Variants in PPP3CA observed in about 807,000 individuals in gnomAD.
PPP3CA encodes the protein protein phosphatase 3 catalytic subunit alpha.
Under a neutral mutation model 66.5 loss-of-function variants are expected in PPP3CA, and 14 were observed. The observed-to-expected ratio is 0.21, with a 90% CI of 0.14 to 0.33. The LOEUF is 0.33. Among genes scored for constraint, PPP3CA ranks in the 10% least tolerant of loss-of-function variants. The probability of loss-of-function intolerance (pLI) is 1.00; values close to 1 mark genes in which losing one functional copy is unlikely to be tolerated. For missense variants in PPP3CA, 317 were observed against 639.5 expected, an observed-to-expected ratio of 0.50 and a Z score of 5.44; for synonymous variants, 232 against 226.2, an observed-to-expected ratio of 1.03 and a Z score of -0.23.
chr4:101,294,705 T>A (rs1439721590), intron 1 of PPP3CA, among the ~76,000 whole-genome samples: 1 of 152,074 alleles, frequency 6.6e-6, no homozygotes, highest in Admixed American at 6.5e-5. Flanking sequence ...ACTTTGGGCT[T>A]GATAATTCTG....
intron 2 of PPP3CA, among the ~76,000 whole-genome samples, chr4:101,194,998 A>T (rs13129082): frequency 4.6e-5 from 7 of 151,996 alleles, no homozygotes; most frequent in Admixed American, 2.0e-4. Context: ...AAAGGCCCGG[A>T]GTGGTGGCTT....
chr4:101,121,368 A>G (rs1484068270), intron 2 of PPP3CA, among the ~76,000 whole-genome samples: 1 of 152,134 alleles, frequency 6.6e-6, no homozygotes, highest in East Asian at 1.9e-4. Context: ...AATTCTTCGC[A>G]TCTTCTATAT....
At chr4:101,125,113 G>T (rs191590665) in intron 2 of PPP3CA, among the ~76,000 whole-genome samples, 1 of 152,300 alleles carries the variant, frequency 6.6e-6, no homozygotes, top group Admixed American at 6.5e-5. Context: ...ATAGGCAGGG[G>T]GGGTATAAGA....
chr4:101,126,682 C>G (rs1014989305), intron 2 of PPP3CA, among the ~76,000 whole-genome samples: 2 of 152,140 alleles, frequency 1.3e-5, no homozygotes, highest in African/African-American at 4.8e-5. Context: ...TATTTATCCA[C>G]CAGTAAAGCT....
At chr4:101,091,861 TAATG>T (rs1412925002) in intron 6 of PPP3CA, among the ~76,000 whole-genome samples, 4 of 137,676 alleles carry the variant, frequency 2.9e-5, no homozygotes, top group Non-Finnish European at 4.7e-5. Context: ...ATAATAATAA[TAATG>T]AAGAAGAGGA....
chr4:101,124,777 AAGAAAG>A (rs1722187648), intron 2 of PPP3CA, among the ~76,000 whole-genome samples: 1 of 130,116 alleles, frequency 7.7e-6, no homozygotes, highest in Non-Finnish European at 1.6e-5. Flanking sequence ...GAAAGAAAGA[AAGAAAG>A]AAAGAAAGAA....
chr4:101,151,183 GA>G (rs1723124833), intron 2 of PPP3CA, among the ~76,000 whole-genome samples: 1 of 152,136 alleles, frequency 6.6e-6, no homozygotes, highest in Non-Finnish European at 1.5e-5. Context: ...GTCAAGATTT[GA>G]ATATAATGGT....
At chr4:101,290,567 T>C (rs1222842465) in intron 1 of PPP3CA, among the ~76,000 whole-genome samples, 1 of 152,222 alleles carries the variant, frequency 6.6e-6, no homozygotes, top group Non-Finnish European at 1.5e-5. Flanking sequence ...TCCCTACATA[T>C]GCTGGACAGC....
chr4:101,210,477 C>A (rs1363585060), intron 1 of PPP3CA, among the ~76,000 whole-genome samples: 2 of 152,080 alleles, frequency 1.3e-5, no homozygotes, highest in Non-Finnish European at 2.9e-5. Context: ...GTGCTTGGAC[C>A]ATTGAAGATT....
At chr4:101,216,099 A>C (rs1177529094) in intron 1 of PPP3CA, among the ~76,000 whole-genome samples, 1 of 152,136 alleles carries the variant, frequency 6.6e-6, no homozygotes, top group Non-Finnish European at 1.5e-5. Context: ...GAATCTAAAA[A>C]TTACGGTGCT....
rs944095912 is a variant in PPP3CA at position 101,140,992 on chromosome 4, T to C, written c.260-31914A>G. On this transcript the variant is annotated intron_variant, in intron 2 of 13. Coordinates refer to ENST00000394854, the MANE Select transcript of PPP3CA (RefSeq NM_000944.5). Reference sequence around the variant, plus strand: ...ATACTGAATCATTTTGATTACTTGCTCATGAGTCAAAAAAGAGGCTAAAAC... The same window carrying C: ...ATACTGAATCATTTTGATTACTTGCCCATGAGTCAAAAAAGAGGCTAAAAC... Among the ~76,000 whole-genome samples, 16 of 152,342 alleles carry C rather than the reference T, an allele frequency of 1.1e-4. No homozygotes were observed. In the South Asian group the frequency reaches 2.7e-3, roughly 26 times the overall value.
chr4:101,320,464 G>A (rs1283390423), intron 1 of PPP3CA, among the ~76,000 whole-genome samples: 1 of 129,316 alleles, frequency 7.7e-6, no homozygotes, highest in African/African-American at 3.3e-5. Flanking sequence ...ATGTATGTAT[G>A]TATGTATGTA....
At chr4:101,041,330 T>A (rs1727505399) in intron 10 of PPP3CA, among the ~76,000 whole-genome samples, 1 of 151,950 alleles carries the variant, frequency 6.6e-6, no homozygotes, top group Admixed American at 6.6e-5. Context: ...TATTTTAAAA[T>A]AATGTTTTAA....
rs550954129 is a variant in PPP3CA, at chr4:101,106,488, A to G, written c.384+2466T>C. Reference sequence around the variant, plus strand: ...AAGAAAAGAAAAGAAAAGAAAAGAAAAGAAAAGAAAAGAAAGAAAGAAAGA... The same window carrying G: ...AAGAAAAGAAAAGAAAAGAAAAGAAGAGAAAAGAAAAGAAAGAAAGAAAGA... On this transcript the variant is annotated intron_variant, in intron 3 of 13. Transcript: ENST00000394854. Among the ~76,000 whole-genome samples the G allele has an allele frequency of 6.9e-5, 5 of 72,010 alleles. No homozygotes were observed. The East Asian group carries it at 1.1e-3, about 16-fold the overall frequency. The allele number at this position is 72,010 out of a possible 152,430, so 47.2% of individuals were successfully genotyped here. A position where few individuals can be genotyped will look rare whatever the true frequency, so the allele number is the denominator to read the frequency against.
chr4:101,333,271 T>G lies in PPP3CA; in HGVS notation c.58+13468A>C, dbSNP rs1013639239. Among the ~76,000 whole-genome samples the G allele has an allele frequency of 5.2e-4, 11 of 21,254 alleles. No individual in the cohort carries two copies. The African/African-American group carries it at 8.1e-3, about 16-fold the overall frequency. The allele number at this position is 21,254 out of a possible 152,430, so 13.9% of individuals were successfully genotyped here. On this transcript the variant is annotated intron_variant, in intron 1 of 13. Coordinates refer to ENST00000394854, the MANE Select transcript of PPP3CA (RefSeq NM_000944.5). The stretch of plus-strand genomic sequence containing the variant: ...TACAGGCATGCACTACCATGCCCAG[T>G]TTTTTTTTTTTTTTTTTTTTTTTTT...
rs538107352 is a variant in PPP3CA at position 101,094,980 on chromosome 4, A to AT, written c.643-1066dup. Among the ~76,000 whole-genome samples, 1,074 of 149,406 alleles carry AT rather than the reference A, an allele frequency of 7.2e-3. 5 individuals are homozygous for AT. Among genetic ancestry groups the AT allele is most frequent in the Non-Finnish European group, 8.2e-3 (552 of 67,132 alleles). ...TTGCTTACAACTAATCAAATTGTCT[A>AT]TTTTTTTTTTCTGGGACATACAAGA... On this transcript the variant is annotated intron_variant, in intron 5 of 13. Transcript: ENST00000394854.
chr4:101,189,108 A>C (rs1424024568), intron 2 of PPP3CA, among the ~76,000 whole-genome samples: 1 of 152,134 alleles, frequency 6.6e-6, no homozygotes, highest in East Asian at 1.9e-4. Context: ...AAGAAGACAG[A>C]AATCAATAAA....
intron 1 of PPP3CA, among the ~76,000 whole-genome samples, chr4:101,302,270 T>C (rs1728403774): frequency 6.6e-6 from 1 of 152,236 alleles, no homozygotes; most frequent in East Asian, 1.9e-4. Context: ...GGACAAGTAA[T>C]TCACCTCAGT....
intron 6 of PPP3CA, among the ~76,000 whole-genome samples, chr4:101,086,882 C>G (rs760997863): frequency 2.0e-5 from 3 of 152,196 alleles, no homozygotes; most frequent in Admixed American, 6.5e-5. Flanking sequence ...GGCTTATGCT[C>G]AATTGCTGAA....
Sources: allele counts gnomAD v4.1 joint callset (sites outside exome capture counted in the v4.1 genomes callset), GRCh38; gene constraint gnomAD v4.1.1; transcripts MANE v1.5; gene names NCBI Gene and HGNC (gene_info 2026-07-23, HGNC 2026-07-21).